The following CEP78 variants were observed in gnomAD, a reference collection of about 807,000 sequenced individuals.
CEP78 encodes the protein centrosomal protein of 78 kDa.
CEP78 carries 76 observed loss-of-function variants against 81.2 expected under a neutral mutation model. That is an observed-to-expected ratio of 0.94 (90% CI 0.78 to 1.13). The LOEUF is 1.13. CEP78 is among the 50% of genes most tolerant of loss of function. CEP78 has a pLI of 0.00. For missense variants in CEP78, 918 were observed against 846.8 expected (o/e 1.08, Z -1.04); for synonymous variants, 293 against 301.4 (o/e 0.97, Z 0.29).
At position 78,264,231 on chromosome 9, in the gene CEP78, A is replaced by T; in HGVS notation, c.1540A>T (p.Ile514Phe). Residue 514 changes from isoleucine (I) to phenylalanine (F), a missense_variant, in exon 13 of 17, where the codon ATC (isoleucine) becomes TTC (phenylalanine). By Grantham distance (21) the Ile-to-Phe change is conservative (BLOSUM62 0). Transcript: ENST00000643273. ...ALHAQSLTNM[I>F]LDDEGVLGSI... is the part of the protein sequence containing the mutation. ...TCATGCACAGTCATTGACAAATATG[A>T]TCCTGGATGATGAAGGTGTTTTGGG... 6.2e-7 allele frequency: 1 copy of T among 1,611,190 alleles called. No individual in the cohort carries two copies. The highest frequency in any genetic ancestry group is 1.1e-5 in the South Asian group (1 of 90,822).
intron 12 of CEP78, among the ~76,000 whole-genome samples, chr9:78,263,464 A>T (rs1237719161): frequency 6.6e-6 from 1 of 152,184 alleles, no homozygotes; most frequent in Non-Finnish European, 1.5e-5. Context: ...ATAAACTAGA[A>T]AGTTCTACAT....
chr9:78,237,596 G>C (rs556523099), intron 1 of CEP78, among the ~76,000 whole-genome samples: 79 of 152,288 alleles, frequency 5.2e-4, no homozygotes, highest in Non-Finnish European at 9.6e-4. Context: ...AGAGCAGAGA[G>C]AGTTGAGGCT....
intron 16 of CEP78, among the ~76,000 whole-genome samples, chr9:78,268,931 C>T (rs1827631605): frequency 6.6e-6 from 1 of 152,138 alleles, no homozygotes; most frequent in Non-Finnish European, 1.5e-5. Context: ...GCTGGGATTA[C>T]AGGCGTGAGC....
At chr9:78,251,261 A>G (rs1177609665) in intron 8 of CEP78, among the ~76,000 whole-genome samples, 1 of 152,232 alleles carries the variant, frequency 6.6e-6, no homozygotes, top group Non-Finnish European at 1.5e-5. Flanking sequence ...GCAAATGAAC[A>G]CTGAAGGTGG....
intron 16 of CEP78, among the ~76,000 whole-genome samples, chr9:78,269,895 G>A (rs1416136021): frequency 1.3e-5 from 2 of 152,178 alleles, no homozygotes; most frequent in African/African-American, 4.8e-5. Flanking sequence ...CAGGATCTCA[G>A]ACAAGCAGGG....
rs1333955246 is a variant in CEP78, at chr9:78,271,542, T to C, written c.*691T>C. 1 of 152,220 alleles carries C rather than the reference T, an allele frequency of 6.6e-6. No homozygotes were observed. The highest frequency in any genetic ancestry group is 2.4e-5 in the African/African-American group (1 of 41,460). 9.4% of individuals were successfully genotyped at this position (152,220 alleles called of 1,614,324 possible). ...AAACTGAAACACTCAGAAGATGGAC[T>C]ACACAGCAGAATGGATTCATTTGAA... On this transcript the variant is annotated 3_prime_UTR_variant, in exon 17 of 17. Transcript: ENST00000643273.
At chr9:78,264,780 T>C (rs1469056087) in intron 13 of CEP78, among the ~76,000 whole-genome samples, 1 of 152,226 alleles carries the variant, frequency 6.6e-6, no homozygotes, top group East Asian at 1.9e-4. Flanking sequence ...TTATTCACTT[T>C]GCTTGTTAAA....
chr9:78,251,403 T>C (rs936854819), intron 8 of CEP78, among the ~76,000 whole-genome samples: 4 of 152,226 alleles, frequency 2.6e-5, no homozygotes, highest in Admixed American at 6.5e-5. Flanking sequence ...TTTTACATGA[T>C]AAAATTAATC....
In CEP78 at chr9:78,264,923, T is replaced by A. The variant is rs114482594; in HGVS notation, c.1626-449T>A. Among the ~76,000 whole-genome samples the A allele has an allele frequency of 7.3e-4, 110 of 151,632 alleles. 1 individual carries two copies. Among genetic ancestry groups the A allele is most frequent in the African/African-American group, 2.5e-3 (105 of 41,306 alleles). On this transcript the variant is annotated intron_variant, in intron 13 of 16. Transcript: ENST00000643273. The stretch of plus-strand genomic sequence containing the variant: ...TGAACGAATATACTGAAAGAAAGAG[T>A]TGGAGATAGATAATTGATAGAGTTA...
At chr9:78,246,911 C>A in intron 6 of CEP78, 129 bp downstream of exon 6, 1 of 532,618 alleles carries the variant, frequency 1.9e-6, no homozygotes. Context: ...CTTGCACTTT[C>A]TTATGTTTTT....
chr9:78,268,671 GTTTCT>G (rs1161232686), intron 16 of CEP78, among the ~76,000 whole-genome samples: 3 of 145,810 alleles, frequency 2.1e-5, no homozygotes, highest in East Asian at 2.0e-4. Flanking sequence ...AATTAAGCAG[GTTTCT>G]TTTCTTTTTT....
At position 78,276,867 on chromosome 9, in the gene CEP78, C is replaced by G. The variant is rs923498865; in HGVS notation, c.*6016C>G. On this transcript the variant is annotated 3_prime_UTR_variant, in exon 17 of 17. Coordinates refer to ENST00000643273, the MANE Select transcript of CEP78 (RefSeq NM_001330691.3). ...AATTCAAAGCAATTTCATATAACCA[C>G]AGTAAAGCTTTTTAAATGGATGTAA... 6.6e-6 allele frequency: 1 copy of G among 152,032 alleles called. No homozygotes were observed. The highest frequency in any genetic ancestry group is 2.4e-5 in the African/African-American group (1 of 41,392). The allele number at this position is 152,032 out of a possible 1,614,324, so 9.4% of individuals were successfully genotyped here. A position where few individuals can be genotyped will look rare whatever the true frequency, so the allele number is the denominator to read the frequency against.
chr9:78,250,237 T>C (rs1220478423), intron 8 of CEP78: 14 of 398,126 alleles, frequency 3.5e-5, no homozygotes, highest in Non-Finnish European at 5.8e-5. Context: ...TTTTTTGTAT[T>C]TGCCTCAGTA....
chr9:78,246,136 G>A (rs963522758), intron 5 of CEP78, among the ~76,000 whole-genome samples: 3 of 152,146 alleles, frequency 2.0e-5, no homozygotes, highest in Admixed American at 6.5e-5. Flanking sequence ...GGTACTAAAG[G>A]GAGGGTAATC....
At position 78,271,547 on chromosome 9, in the gene CEP78, A is replaced by C. The variant is rs1280286251; in HGVS notation, c.*696A>C. The C allele has an allele frequency of 6.6e-6, 1 of 152,248 alleles. No individual in the cohort carries two copies. The highest frequency in any genetic ancestry group is 1.5e-5 in the Non-Finnish European group (1 of 68,048). 9.4% of individuals were successfully genotyped at this position (152,248 alleles called of 1,614,324 possible). A position where few individuals can be genotyped will look rare whatever the true frequency, so the allele number is the denominator to read the frequency against. The stretch of plus-strand genomic sequence containing the variant: ...GAAACACTCAGAAGATGGACTACAC[A>C]GCAGAATGGATTCATTTGAAGCTTA... On this transcript the variant is annotated 3_prime_UTR_variant, in exon 17 of 17. Coordinates refer to ENST00000643273, the MANE Select transcript of CEP78 (RefSeq NM_001330691.3).
intron 11 of CEP78, among the ~76,000 whole-genome samples, chr9:78,259,943 C>A (rs1450067698): frequency 1.3e-5 from 2 of 152,244 alleles, no homozygotes; most frequent in Admixed American, 1.3e-4. Context: ...CTTTAACACA[C>A]ACATAAATCT....
Position 78,278,215 on chromosome 9 carries a change from G to A in CEP78, c.*7364G>A, listed in dbSNP as rs1827842756. 6.6e-6 allele frequency: 1 copy of A among 152,196 alleles called. No individual in the cohort carries two copies. The highest frequency in any genetic ancestry group is 1.5e-5 in the Non-Finnish European group (1 of 68,028). 9.4% of individuals were successfully genotyped at this position (152,196 alleles called of 1,614,324 possible). A position where few individuals can be genotyped will look rare whatever the true frequency, so the allele number is the denominator to read the frequency against. ...AAAATTCCTTTTCATCATAGAAAAT[G>A]AAAATGTGTACTCTGTTATCCTTTA... On this transcript the variant is annotated 3_prime_UTR_variant, in exon 17 of 17. Transcript: ENST00000643273.
chr9:78,264,417 C>T lies in CEP78; in HGVS notation c.1625+101C>T. The T allele has an allele frequency of 1.6e-5, 14 of 892,444 alleles. No individual in the cohort carries two copies. In the South Asian group the frequency reaches 2.1e-4, roughly 14 times the overall value. The allele number at this position is 892,444 out of a possible 1,614,324, so 55.3% of individuals were successfully genotyped here. A position where few individuals can be genotyped will look rare whatever the true frequency, so the allele number is the denominator to read the frequency against. ...TTATAGCTTTCTGAAGTCATATTTA[C>T]TGTGTAATTATAAGTAATACACTTG... On this transcript the variant is annotated intron_variant, in intron 13 of 16. Coordinates refer to ENST00000643273, the MANE Select transcript of CEP78 (RefSeq NM_001330691.3).
At chr9:78,244,134 C>CTTTTTTT (rs971743733) in intron 5 of CEP78, among the ~76,000 whole-genome samples, 5 of 110,770 alleles carry the variant, frequency 4.5e-5, no homozygotes, top group Non-Finnish European at 5.6e-5. Flanking sequence ...ATTGAAGTTA[C>CTTTTTTT]TTTTTTTTTT....
Sources: gnomAD v4.1 joint callset for allele counts (sites outside exome capture counted in the v4.1 genomes callset) on GRCh38, gnomAD v4.1.1 for gene constraint, MANE v1.5 for transcripts, NCBI Gene and HGNC (gene_info 2026-07-23, HGNC 2026-07-21) for gene names.